Variants in ADCY9 observed in about 807,000 individuals in gnomAD.
ADCY9 encodes the protein adenylate cyclase 9, also known as adenylate cyclase type 9.
ADCY9 carries 50 observed loss-of-function variants against 101.5 expected under a neutral mutation model. That is an observed-to-expected ratio of 0.49 (90% CI 0.39 to 0.62). The LOEUF (loss-of-function observed/expected upper bound fraction) is 0.62. Ranked by LOEUF, ADCY9 falls within the 20% of genes least tolerant of loss-of-function variation. ADCY9 has a pLI of 0.00. For missense variants in ADCY9, 1,662 were observed against 1,800.4 expected (o/e 0.92, Z 1.39); for synonymous variants, 905 against 769.3 (o/e 1.18, Z -2.92).
At chr16:4,079,479 G>T (rs2056888460) in intron 2 of ADCY9, among the ~76,000 whole-genome samples, 1 of 152,288 alleles carries the variant, frequency 6.6e-6, no homozygotes, top group Admixed American at 6.5e-5. Flanking sequence ...TGAGGCAGGA[G>T]AATCTCTTGA....
intron 2 of ADCY9, among the ~76,000 whole-genome samples, chr16:4,074,716 C>CAA (rs55742993): frequency 4.0e-5 from 4 of 100,428 alleles, no homozygotes; most frequent in South Asian, 6.9e-4. Context: ...TACCCAGTGG[C>CAA]AAAAAAAAAA....
At chr16:3,989,149 A>G in intron 5 of ADCY9, 53 bp from the exon 6 acceptor site, 1 of 1,324,974 alleles carries the variant, frequency 7.5e-7, no homozygotes, top group Non-Finnish European at 1.1e-6. Context: ...TAACTGTGCC[A>G]ATGTTTTCAG....
chr16:4,035,000 C>T (rs1221722711), intron 2 of ADCY9, among the ~76,000 whole-genome samples: 2 of 152,208 alleles, frequency 1.3e-5, no homozygotes, highest in Non-Finnish European at 2.9e-5. Flanking sequence ...ACTGCAGTCA[C>T]CGCCTAGTTT....
chr16:4,104,106 G>A lies in ADCY9; in HGVS notation c.1693+9644C>T, dbSNP rs575134391. ...ACCACGGTCGTTCAGGCTTGAGTACGGGCAGACCATTCCTGGGAATATGAA... is the reference window on the plus strand; with the variant it reads ...ACCACGGTCGTTCAGGCTTGAGTACAGGCAGACCATTCCTGGGAATATGAA... On this transcript the variant is annotated intron_variant, in intron 2 of 10. Coordinates refer to ENST00000294016, the MANE Select transcript of ADCY9 (RefSeq NM_001116.4). Among the ~76,000 whole-genome samples the A allele has an allele frequency of 1.1e-4, 17 of 152,236 alleles. 1 individual carries two copies. In the East Asian group the frequency reaches 1.5e-3, roughly 14 times the overall value.
chr16:4,038,614 A>G (rs2056606214), intron 2 of ADCY9, among the ~76,000 whole-genome samples: 1 of 151,900 alleles, frequency 6.6e-6, no homozygotes, highest in African/African-American at 2.4e-5. Flanking sequence ...GTCGCTGTAC[A>G]CTCTTTGCAG....
intron 2 of ADCY9, among the ~76,000 whole-genome samples, chr16:4,091,323 C>G (rs899132354): frequency 1.3e-5 from 2 of 152,228 alleles, no homozygotes; most frequent in Admixed American, 6.5e-5. Context: ...ATCCTCCTGC[C>G]TCAGCCTCCC....
In ADCY9 at chr16:4,114,079, C is replaced by T. The variant is rs778668576; in HGVS notation, c.1364G>A (p.Arg455Gln). The change falls in exon 2 of 11, where the codon CGG becomes CAG. Residue 455 changes from arginine to glutamine, a missense_variant. Physicochemically the swap from Arg to Gln is conservative, Grantham distance 43. This residue lies in a region of ADCY9 where 228 missense variants were observed against 301.1 expected (regional missense o/e 0.76). Transcript: ENST00000294016. This position sits in a 1 kb window ranked among gnomAD's most constrained non-coding sequence, Gnocchi z 4.3. Reference sequence around the variant, plus strand: ...GATGCAGCAGTAGGCATGGTCGGCCCGGGGCTCGGGACAGCCCGCCACGCA... The same window carrying T: ...GATGCAGCAGTAGGCATGGTCGGCCTGGGGCTCGGGACAGCCCGCCACGCA... ...YYCVAGCPEP[R>Q]ADHAYCCIEM... The T allele has an allele frequency of 1.5e-5, 25 of 1,613,806 alleles. No homozygotes were observed. The East Asian group carries it at 5.3e-4, about 35-fold the overall frequency.
intron 2 of ADCY9, among the ~76,000 whole-genome samples, chr16:4,080,982 T>C (rs1223429677): frequency 6.6e-6 from 1 of 152,070 alleles, no homozygotes; most frequent in African/African-American, 2.4e-5. Flanking sequence ...TCAAAGTTCA[T>C]AAAAACAAGG....
In ADCY9 at chr16:4,018,970, T is replaced by TGTGTGTGTGTGTGTG. The variant is rs1555509543; in HGVS notation, c.1694-11413_1694-11412insCACACACACACACAC. ...TCGCAGTTGTGTGTGTGTGTGTGTG[T>TGTGTGTGTGTGTGTG]TTTGTTTTGTTTTGTTTTTTTAAGA... On this transcript the variant is annotated intron_variant, in intron 2 of 10. Transcript: ENST00000294016. Among the ~76,000 whole-genome samples the TGTGTGTGTGTGTGTG allele has an allele frequency of 1.6e-3, 244 of 149,470 alleles. 1 individual carries two copies. Among genetic ancestry groups the TGTGTGTGTGTGTGTG allele is most frequent in the Admixed American group, 3.1e-3 (46 of 15,034 alleles).
At position 4,115,927 on chromosome 16, in the gene ADCY9, C is replaced by T. The variant is rs927362045; in HGVS notation, c.-281G>A. 5.2e-6 allele frequency: 2 copies of T among 387,442 alleles called. No individual in the cohort carries two copies. Among genetic ancestry groups the T allele is most frequent in the East Asian group, 3.6e-5 (1 of 27,496 alleles). 24.0% of individuals were successfully genotyped at this position (387,442 alleles called of 1,614,324 possible). On this transcript the variant is annotated 5_prime_UTR_variant, in exon 1 of 11. Coordinates refer to ENST00000294016, the MANE Select transcript of ADCY9 (RefSeq NM_001116.4). This position sits in a 1 kb window ranked among gnomAD's most constrained non-coding sequence, Gnocchi z 6.2. ...TGGCGGCGCGGAGCCCTCCATCCTG[C>T]AGGAGCCGCGCTCCGATGCGTCAAA...
At chr16:4,059,379 GAAAA>G (rs1555441793) in intron 2 of ADCY9, among the ~76,000 whole-genome samples, 1 of 118,484 alleles carries the variant, frequency 8.4e-6, no homozygotes. Flanking sequence ...AGAATCCATC[GAAAA>G]AAAAAAAAAA....
At chr16:3,988,303 A>G (rs1377343981) in intron 6 of ADCY9, among the ~76,000 whole-genome samples, 1 of 151,888 alleles carries the variant, frequency 6.6e-6, no homozygotes. Context: ...CCGGAGTTAG[A>G]GAGAGAGGTG....
chr16:4,045,639 C>T (rs1318094081), intron 2 of ADCY9, among the ~76,000 whole-genome samples: 2 of 149,170 alleles, frequency 1.3e-5, no homozygotes, highest in South Asian at 4.3e-4. Flanking sequence ...AATTTTGCCT[C>T]CCAATTTGCT....
intron 3 of ADCY9, among the ~76,000 whole-genome samples, chr16:4,004,536 C>T (rs549096198): frequency 3.9e-5 from 6 of 152,332 alleles, no homozygotes; most frequent in Admixed American, 1.3e-4. Context: ...TTCAGTCCTT[C>T]GCCTGGCTCT....
At chr16:3,979,652 G>C (rs971509003) in intron 7 of ADCY9, among the ~76,000 whole-genome samples, 3 of 152,228 alleles carry the variant, frequency 2.0e-5, no homozygotes, top group Non-Finnish European at 4.4e-5. Context: ...GTCTTGACGG[G>C]GGCAGCTTTG....
chr16:3,966,117 G>A lies in ADCY9; in HGVS notation c.3720C>T (p.Tyr1240=), dbSNP rs553001520. 2 of 1,614,230 alleles carry A rather than the reference G, an allele frequency of 1.2e-6. No homozygotes were observed. Among genetic ancestry groups the A allele is most frequent in the Non-Finnish European group, 1.7e-6 (2 of 1,180,046 alleles). Residue 1240 remains tyrosine, a synonymous_variant, in exon 11 of 11, where the codon TAC becomes TAT. Transcript: ENST00000294016. ...NVKGKGQMKT[Y]LYPKCTDHRV... ...TGTGATCCGTGCACTTTGGGTACAG[G>A]TAGGTCTTCATCTGGCCTTTCCCCT... is the stretch of plus-strand genomic sequence containing the variant.
intron 6 of ADCY9, among the ~76,000 whole-genome samples, chr16:3,986,315 G>T (rs1475425021): frequency 3.3e-5 from 5 of 152,156 alleles, no homozygotes; most frequent in Non-Finnish European, 7.4e-5. Context: ...CCTTGTCCTG[G>T]CATCTCTCCT....
rs753481552 is a variant in ADCY9, at chr16:3,966,064, A to C, written c.3773T>G (p.Ile1258Ser). Reference sequence around the variant, plus strand: ...CACCTGGACGCGGATGTCTGGGGAGATGGACAGCTGGTGCTGTGGGATGAC... The same window carrying C: ...CACCTGGACGCGGATGTCTGGGGAGCTGGACAGCTGGTGCTGTGGGATGAC... ...HRVIPQHQLS[I>S]SPDIRVQVDG... The change falls in exon 11 of 11, where the codon ATC (isoleucine) becomes AGC (serine). Residue 1258 changes from isoleucine (I) to serine (S), a missense_variant. Ile to Ser is a moderately radical substitution (Grantham distance 142). Coordinates refer to ENST00000294016, the MANE Select transcript of ADCY9 (RefSeq NM_001116.4). 1.2e-6 allele frequency: 2 copies of C among 1,614,000 alleles called. No individual in the cohort carries two copies. Among genetic ancestry groups the C allele is most frequent in the Non-Finnish European group, 1.7e-6 (2 of 1,180,012 alleles).
intron 7 of ADCY9, 77 bp downstream of exon 7, chr16:3,983,155 C>A: frequency 7.3e-7 from 1 of 1,363,376 alleles, no homozygotes; most frequent in South Asian, 1.4e-5. Context: ...CCAGTCCAAC[C>A]GCTCAGCCAT....
Sources: gnomAD v4.1 joint callset for allele counts (sites outside exome capture counted in the v4.1 genomes callset) on GRCh38, gnomAD v4.1.1 for gene constraint, gnomAD v4.1.1 regional missense constraint, Gnocchi (gnomAD v3.1) non-coding constraint, MANE v1.5 for transcripts, NCBI Gene and HGNC (gene_info 2026-07-23, HGNC 2026-07-21) for gene names.